DAZ1: variants seen among roughly 807,000 people sequenced by gnomAD.
The protein encoded by DAZ1 is deleted in azoospermia protein 1.
At chrY:23,158,998 G>C (rs2124441681) in intron 20 of DAZ1, among the ~76,000 whole-genome samples, 1 of 26,324 alleles carries the variant, frequency 3.8e-5, no homozygotes, top group South Asian at 9.4e-4. Context: ...AAAAGGCACT[G>C]TTGCTGCCAT....
chrY:23,166,000 T>C, intron 17 of DAZ1, among the ~76,000 whole-genome samples: 1 of 28,534 alleles, frequency 3.5e-5, no homozygotes, highest in African/African-American at 1.3e-4. Context: ...CAGCAAAACA[T>C]TTCTGTTTCT....
At chrY:23,171,285 T>C in intron 11 of DAZ1, among the ~76,000 whole-genome samples, 4 of 20,413 alleles carry the variant, frequency 2.0e-4, no homozygotes, top group Admixed American at 1.1e-3. Context: ...CAATATAGCA[T>C]AGTGAAACAA....
chrY:23,150,793 T>G, intron 23 of DAZ1, among the ~76,000 whole-genome samples: 1 of 19,158 alleles, frequency 5.2e-5, no homozygotes, highest in Non-Finnish European at 1.1e-4. Context: ...AAGGCTCCAT[T>G]AAGACAGATT....
chrY:23,166,033 G>C, intron 17 of DAZ1, among the ~76,000 whole-genome samples: 2 of 27,700 alleles, frequency 7.2e-5, no homozygotes, highest in Non-Finnish European at 1.7e-4. Context: ...TTTTATGGTT[G>C]GTACATCCAG....
chrY:23,150,840 G>A, intron 23 of DAZ1, among the ~76,000 whole-genome samples: 1 of 23,253 alleles, frequency 4.3e-5, no homozygotes, highest in African/African-American at 1.8e-4. Flanking sequence ...GCAATTTGCT[G>A]TAAGAATATT....
At chrY:23,165,943 T>C (rs2124441830) in intron 17 of DAZ1, among the ~76,000 whole-genome samples, 2 of 19,627 alleles carry the variant, frequency 1.0e-4, no homozygotes, top group Admixed American at 1.1e-3. Context: ...TCAGGTGTTA[T>C]AGAGGTAATA....
chrY:23,166,036 A>G (rs2090084252), intron 17 of DAZ1, among the ~76,000 whole-genome samples: 1 of 27,846 alleles, frequency 3.6e-5, no homozygotes. Flanking sequence ...TATGGTTGGT[A>G]CATCCAGATG....
At chrY:23,161,516 GC>G (rs2090083292) in intron 19 of DAZ1, among the ~76,000 whole-genome samples, 1 of 5,815 alleles carries the variant, frequency 1.7e-4, no homozygotes, top group African/African-American at 7.0e-4. Context: ...TCTATGTTTG[GC>G]TAATTCACTT....
At chrY:23,156,811 AAAAAAGAAAG>A (rs2090082396) in intron 21 of DAZ1, among the ~76,000 whole-genome samples, 1 of 21,600 alleles carries the variant, frequency 4.6e-5, no homozygotes, top group Non-Finnish European at 1.2e-4. Context: ...TCTTAAAAAA[AAAAAAGAAAG>A]AAAAAGAAAG....
chrY:23,150,785 G>A (rs2090080682), intron 23 of DAZ1, among the ~76,000 whole-genome samples: 1 of 17,458 alleles, frequency 5.7e-5, no homozygotes, highest in Non-Finnish European at 1.2e-4. Flanking sequence ...CTGGTGATAA[G>A]GCTCCATTAA....
chrY:23,161,583 T>TA (rs2090083365), intron 19 of DAZ1, among the ~76,000 whole-genome samples: 3 of 11,324 alleles, frequency 2.6e-4, no homozygotes, highest in Non-Finnish European at 6.1e-4. Context: ...GGTGGCATCT[T>TA]AAAAAAAAAA....
At chrY:23,171,271 G>A in intron 11 of DAZ1, among the ~76,000 whole-genome samples, 1 of 19,782 alleles carries the variant, frequency 5.1e-5, no homozygotes, top group Admixed American at 3.9e-4. Flanking sequence ...ATACGTTGGA[G>A]AAACAATATA....
intron 17 of DAZ1, among the ~76,000 whole-genome samples, chrY:23,165,934 CAGGTGTT>C (rs2090084118): frequency 6.0e-5 from 1 of 16,769 alleles, no homozygotes; most frequent in Admixed American, 6.4e-4. Context: ...GAAAGCAGCT[CAGGTGTT>C]ATAGAGGTAA....
chrY:23,171,309 G>C, intron 11 of DAZ1, among the ~76,000 whole-genome samples: 1 of 20,207 alleles, frequency 4.9e-5, no homozygotes, highest in Admixed American at 3.8e-4. Context: ...ATTCAGTCAG[G>C]AGATCTAGGT....
intron 17 of DAZ1, among the ~76,000 whole-genome samples, chrY:23,166,060 G>A: frequency 4.0e-5 from 1 of 24,986 alleles, no homozygotes; most frequent in Non-Finnish European, 9.4e-5. Context: ...ATTCTCATCA[G>A]ATACATGCTA....
At chrY:23,166,001 TTC>T (rs2090084224) in intron 17 of DAZ1, among the ~76,000 whole-genome samples, 1 of 28,556 alleles carries the variant, frequency 3.5e-5, no homozygotes, top group Non-Finnish European at 8.5e-5. Flanking sequence ...AGCAAAACAT[TTC>T]TGTTTCTCTT....
At chrY:23,171,235 T>G in intron 11 of DAZ1, among the ~76,000 whole-genome samples, 1 of 15,725 alleles carries the variant, frequency 6.4e-5, no homozygotes, top group Non-Finnish European at 1.2e-4. Flanking sequence ...TGTAAAATTT[T>G]CTGAAGTAGT....
chrY:23,187,945 G>GT (rs2090087508), intron 6 of DAZ1, among the ~76,000 whole-genome samples: 1 of 12,589 alleles, frequency 7.9e-5, no homozygotes. Flanking sequence ...TTAAAATTGG[G>GT]TTAAAAAGAA....
At chrY:23,166,029 G>C in intron 17 of DAZ1, among the ~76,000 whole-genome samples, 1 of 28,093 alleles carries the variant, frequency 3.6e-5, no homozygotes, top group Non-Finnish European at 8.6e-5. Flanking sequence ...AATTTTTTAT[G>C]GTTGGTACAT....
Sources: allele counts gnomAD v4.1 joint callset (sites outside exome capture counted in the v4.1 genomes callset), GRCh38; gene constraint gnomAD v4.1.1; transcripts MANE v1.5; gene names NCBI Gene and HGNC (gene_info 2026-07-23, HGNC 2026-07-21).